The following KCNK2 variants were observed in gnomAD, a reference collection of about 807,000 sequenced individuals.
The protein encoded by KCNK2 is potassium channel subfamily K member 2.
In KCNK2, 21 loss-of-function variants were observed where a neutral mutation model predicts 40.5. That is an observed-to-expected ratio of 0.52 (90% confidence interval 0.37 to 0.75). The LOEUF (loss-of-function observed/expected upper bound fraction) is 0.75, where lower values mean the gene tolerates loss of function less well. Among genes scored for constraint, KCNK2 ranks in the 30% least tolerant of loss-of-function variants. The probability of loss-of-function intolerance (pLI) is 0.00; values close to 1 mark genes in which losing one functional copy is unlikely to be tolerated. For synonymous variants in KCNK2, 191 were observed against 202.2 expected, an observed-to-expected ratio of 0.94 and a Z score of 0.47; for missense variants, 399 against 531.6, an observed-to-expected ratio of 0.75 and a Z score of 2.45.
Position 215,169,358 on chromosome 1 carries a change from T to C in KCNK2, c.635T>C (p.Ile212Thr). The change falls in exon 4 of 7, where the codon ATT becomes ACT. Residue 212 changes from isoleucine (I) to threonine (T), a missense_variant and splice_region_variant. Physicochemically the swap from Ile to Thr is moderately conservative, Grantham distance 89. This residue lies in a region of KCNK2 where 279 missense variants were observed against 353.8 expected (regional missense o/e 0.79). Coordinates refer to ENST00000444842, the MANE Select transcript of KCNK2 (RefSeq NM_001017425.3). ...KGIAKVEDTF[I>T]KWNVSQTKIR... ...ATTGCCAAAGTGGAAGATACGTTTA[T>C]TGTGAGTATGATAGATATTTAACTA... 1 of 1,605,296 alleles carries C rather than the reference T, an allele frequency of 6.2e-7. No homozygotes were observed. The highest frequency in any genetic ancestry group is 1.1e-5 in the South Asian group (1 of 90,274).
intron 1 of KCNK2, among the ~76,000 whole-genome samples, chr1:215,032,266 C>T (rs770343932): frequency 9.2e-5 from 14 of 151,608 alleles, no homozygotes; most frequent in Admixed American, 2.0e-4. Context: ...TAAAATTAGG[C>T]GGGTATGGTG....
chr1:215,162,886 T>C (rs140829688), intron 3 of KCNK2, among the ~76,000 whole-genome samples: 5 of 151,564 alleles, frequency 3.3e-5, no homozygotes, highest in Non-Finnish European at 7.4e-5. Flanking sequence ...TTTTTTTTTT[T>C]ATTAGGATCG....
intron 2 of KCNK2, among the ~76,000 whole-genome samples, chr1:215,093,271 C>T (rs1037131942): frequency 6.7e-6 from 1 of 148,694 alleles, no homozygotes; most frequent in African/African-American, 2.5e-5. Context: ...TGCCAGACCT[C>T]CAAAGGTTTT....
At chr1:215,225,521 G>A (rs538160417) in intron 6 of KCNK2, among the ~76,000 whole-genome samples, 10 of 152,262 alleles carry the variant, frequency 6.6e-5, no homozygotes, top group East Asian at 3.9e-4. Flanking sequence ...TCTTCAGGCC[G>A]TACCAACACA....
At chr1:215,144,303 C>T (rs946506755) in intron 3 of KCNK2, among the ~76,000 whole-genome samples, 3 of 152,022 alleles carry the variant, frequency 2.0e-5, no homozygotes, top group East Asian at 1.9e-4. Context: ...TGAGTTTAAT[C>T]GATGCCCCTT....
In KCNK2 at chr1:215,100,512, G is replaced by A. The variant is rs563736514; in HGVS notation, c.357+13834G>A. On this transcript the variant is annotated intron_variant, in intron 2 of 6. Transcript: ENST00000444842. ...CATTGAAGCCAGTGAATATGATGGA[G>A]GTCTTGTTAACCTTTACTTTAAAGC... Among the ~76,000 whole-genome samples, 96 of 152,006 alleles carry A rather than the reference G, an allele frequency of 6.3e-4. 1 individual carries two copies. Among genetic ancestry groups the A allele is most frequent in the African/African-American group, 2.1e-3 (89 of 41,500 alleles).
chr1:215,217,992 A>G (rs111868432), intron 6 of KCNK2, among the ~76,000 whole-genome samples: 151 of 152,304 alleles, frequency 9.9e-4, no homozygotes, highest in African/African-American at 3.6e-3. Flanking sequence ...TAGCCATGAT[A>G]CAGTGCTAGA....
At chr1:215,010,711 C>T (rs889134687) in intron 1 of KCNK2, among the ~76,000 whole-genome samples, 11 of 152,178 alleles carry the variant, frequency 7.2e-5, no homozygotes, top group African/African-American at 2.6e-4. Flanking sequence ...CTTTTCATAC[C>T]TTGGCTTTCA....
intron 1 of KCNK2, among the ~76,000 whole-genome samples, chr1:215,010,324 A>G (rs1656332592): frequency 6.6e-6 from 1 of 152,136 alleles, no homozygotes; most frequent in Admixed American, 6.5e-5. Context: ...TTTTCTTTTC[A>G]TTTAAAAGCT....
chr1:215,132,056 T>C (rs765014671), intron 3 of KCNK2, among the ~76,000 whole-genome samples: 17 of 152,330 alleles, frequency 1.1e-4, no homozygotes, highest in Non-Finnish European at 2.1e-4. Context: ...AAGTTTGCAG[T>C]AATTTTAACA....
intron 5 of KCNK2, among the ~76,000 whole-genome samples, chr1:215,179,912 CT>C (rs1440958228): frequency 6.6e-6 from 1 of 151,920 alleles, no homozygotes; most frequent in African/African-American, 2.4e-5. Context: ...CCCAGAACTT[CT>C]TAGTTTTCTG....
chr1:215,086,627 C>G lies in KCNK2; in HGVS notation c.306C>G (p.Phe102Leu). The change falls in exon 2 of 7, where the codon TTC (phenylalanine) becomes TTG (leucine). Residue 102 changes from phenylalanine to leucine, a missense_variant. Coordinates refer to ENST00000444842, the MANE Select transcript of KCNK2 (RefSeq NM_001017425.3). ...RTTIVIQKQT[F>L]ISQHSCVNST... Reference sequence around the variant, plus strand: ...CCATTGTGATCCAGAAGCAAACATTCATATCCCAACATTCCTGTGTCAATT... The same window carrying G: ...CCATTGTGATCCAGAAGCAAACATTGATATCCCAACATTCCTGTGTCAATT... 1 of 1,614,212 alleles carries G rather than the reference C, an allele frequency of 6.2e-7. No individual in the cohort carries two copies. The highest frequency in any genetic ancestry group is 8.5e-7 in the Non-Finnish European group (1 of 1,180,032).
chr1:215,083,556 A>G (rs755673578), intron 1 of KCNK2, 125 bp downstream of exon 1: 26 of 744,752 alleles, frequency 3.5e-5, no homozygotes, highest in Non-Finnish European at 5.7e-5. Flanking sequence ...CTTCGCGTCC[A>G]AAGTGTTGGG....
chr1:215,118,419 C>A (rs988171844), intron 2 of KCNK2, among the ~76,000 whole-genome samples: 5 of 152,076 alleles, frequency 3.3e-5, no homozygotes, highest in African/African-American at 9.7e-5. Context: ...TTTCCTCATC[C>A]CACATTCTTC....
At chr1:215,034,496 G>T (rs1044712362) in intron 1 of KCNK2, among the ~76,000 whole-genome samples, 1 of 151,956 alleles carries the variant, frequency 6.6e-6, no homozygotes, top group African/African-American at 2.4e-5. Flanking sequence ...ATAAGTAACC[G>T]TCTGTTTTTT....
intron 6 of KCNK2, among the ~76,000 whole-genome samples, chr1:215,232,951 T>A (rs112549241): frequency 1.0e-3 from 152 of 152,358 alleles, no homozygotes; most frequent in African/African-American, 3.6e-3. Flanking sequence ...TAAGTGTGCA[T>A]GAAATTTGTA....
At chr1:215,064,943 G>A (rs1658486831) in intron 1 of KCNK2, among the ~76,000 whole-genome samples, 2 of 152,090 alleles carry the variant, frequency 1.3e-5, no homozygotes, top group African/African-American at 2.4e-5. Flanking sequence ...GTGTTAAAGT[G>A]TTTAAATATT....
chr1:215,187,837 G>A lies in KCNK2; in HGVS notation c.824-7116G>A, dbSNP rs139875088. Among the ~76,000 whole-genome samples, 778 of 135,724 alleles carry A rather than the reference G, an allele frequency of 5.7e-3. 5 individuals are homozygous for A. Among genetic ancestry groups the A allele is most frequent in the African/African-American group, 0.022 (739 of 33,964 alleles). The allele number at this position is 135,724 out of a possible 152,430, so 89.0% of individuals were successfully genotyped here. A position where few individuals can be genotyped will look rare whatever the true frequency, so the allele number is the denominator to read the frequency against. On this transcript the variant is annotated intron_variant, in intron 5 of 6. Transcript: ENST00000444842. ...AGCCTGGGTGACAGAGCAAGACCCTGTCTCAAAAATTTAAAAAAAAAAAAA... is the reference window on the plus strand; with the variant it reads ...AGCCTGGGTGACAGAGCAAGACCCTATCTCAAAAATTTAAAAAAAAAAAAA...
intron 3 of KCNK2, among the ~76,000 whole-genome samples, chr1:215,145,625 T>C (rs943807893): frequency 1.3e-5 from 2 of 152,242 alleles, no homozygotes; most frequent in African/African-American, 4.8e-5. Context: ...TATATAGTTC[T>C]ATCAGTTTAC....
Sources: gnomAD v4.1 joint callset for allele counts (sites outside exome capture counted in the v4.1 genomes callset) on GRCh38, gnomAD v4.1.1 for gene constraint, gnomAD v4.1.1 regional missense constraint, MANE v1.5 for transcripts, NCBI Gene and HGNC (gene_info 2026-07-23, HGNC 2026-07-21) for gene names.